Variants in TIA1 observed in about 807,000 individuals in gnomAD.
TIA1 encodes the protein cytotoxic granule associated RNA binding protein TIA1.
TIA1 carries 23 observed loss-of-function variants against 65.9 expected under a neutral mutation model. The observed-to-expected ratio is 0.35, with a 90% CI of 0.25 to 0.49. TIA1 has a LOEUF of 0.49. TIA1 is among the 20% of genes least tolerant of loss of function. The pLI, the probability that TIA1 is intolerant of heterozygous loss-of-function variation, is 0.98. For synonymous variants in TIA1, 147 were observed against 149.4 expected, an observed-to-expected ratio of 0.98 and a Z score of 0.12; for missense variants, 371 against 477.9, an observed-to-expected ratio of 0.78 and a Z score of 2.09.
At chr2:70,218,872 T>C (rs946552560) in intron 7 of TIA1, among the ~76,000 whole-genome samples, 4 of 152,190 alleles carry the variant, frequency 2.6e-5, no homozygotes, top group Non-Finnish European at 5.9e-5. Flanking sequence ...TAGCAGTGAA[T>C]GTAACTTAAA....
chr2:70,229,683 A>C (rs1357138454), intron 3 of TIA1, among the ~76,000 whole-genome samples: 1 of 152,156 alleles, frequency 6.6e-6, no homozygotes, highest in East Asian at 1.9e-4. Context: ...TGACGTCTGT[A>C]ATCTCAGCAC....
intron 7 of TIA1, among the ~76,000 whole-genome samples, chr2:70,221,981 T>C (rs574190538): frequency 6.6e-6 from 1 of 152,006 alleles, no homozygotes; most frequent in African/African-American, 2.4e-5. Flanking sequence ...GGTTTTGCCA[T>C]TTTGCCCAGG....
chr2:70,232,783 C>A (rs888887211), intron 2 of TIA1, among the ~76,000 whole-genome samples: 1 of 151,600 alleles, frequency 6.6e-6, no homozygotes, highest in African/African-American at 2.4e-5. Flanking sequence ...GCAGGAGATT[C>A]GCTTGAACTC....
chr2:70,229,959 C>A (rs962952393), intron 3 of TIA1, among the ~76,000 whole-genome samples: 1 of 150,070 alleles, frequency 6.7e-6, no homozygotes, highest in African/African-American at 2.5e-5. Context: ...ACAAAAAAAC[C>A]TGGGGACGGT....
In TIA1 at chr2:70,235,206, G is replaced by A. The variant is rs57042209; in HGVS notation, c.123+873C>T. The stretch of plus-strand genomic sequence containing the variant: ...CAAGACAGGTGGATCACCTGAGGTC[G>A]GGAGTTCTAAACCAGCCTGACCAAC... On this transcript the variant is annotated intron_variant, in intron 2 of 12. Transcript: ENST00000433529. Among the ~76,000 whole-genome samples the A allele has an allele frequency of 9.4e-3, 1,422 of 152,078 alleles. 27 individuals are homozygous for A. Among genetic ancestry groups the A allele is most frequent in the African/African-American group, 0.032 (1,323 of 41,480 alleles).
At chr2:70,226,880 G>T (rs542717446) in intron 6 of TIA1, among the ~76,000 whole-genome samples, 1 of 152,086 alleles carries the variant, frequency 6.6e-6, no homozygotes, top group Non-Finnish European at 1.5e-5. Flanking sequence ...ATCAAGGAAC[G>T]ATAACTCTTC....
intron 7 of TIA1, among the ~76,000 whole-genome samples, chr2:70,223,306 A>G (rs1682333426): frequency 6.6e-6 from 1 of 151,336 alleles, no homozygotes; most frequent in Non-Finnish European, 1.5e-5. Context: ...TGAGAACCAA[A>G]TAAATTCTCT....
At chr2:70,247,692 C>G (rs924861604) in intron 1 of TIA1, among the ~76,000 whole-genome samples, 1 of 152,148 alleles carries the variant, frequency 6.6e-6, no homozygotes, top group African/African-American at 2.4e-5. Flanking sequence ...AACACCATGT[C>G]AATCACAACA....
At chr2:70,238,608 TAC>T (rs913618311) in intron 1 of TIA1, among the ~76,000 whole-genome samples, 6 of 152,240 alleles carry the variant, frequency 3.9e-5, no homozygotes, top group Middle Eastern at 3.4e-3. Flanking sequence ...TTTGAATGCT[TAC>T]AGTGGGATGA....
At chr2:70,234,837 G>A (rs903083671) in intron 2 of TIA1, among the ~76,000 whole-genome samples, 1 of 152,038 alleles carries the variant, frequency 6.6e-6, no homozygotes, top group Non-Finnish European at 1.5e-5. Context: ...TGGGATTACA[G>A]GTGTGAGCCA....
At chr2:70,227,889 T>C (rs982988685) in intron 5 of TIA1, 67 bp from the exon 6 acceptor site, 28 of 1,065,668 alleles carry the variant, frequency 2.6e-5, no homozygotes, top group Admixed American at 8.1e-5. Context: ...AGTACTAAAA[T>C]CTATCCAATA....
chr2:70,223,135 C>A (rs532638164), intron 7 of TIA1, among the ~76,000 whole-genome samples: 1 of 152,100 alleles, frequency 6.6e-6, no homozygotes, highest in East Asian at 1.9e-4. Context: ...GAGTTCCTAG[C>A]CCATCAAACC....
intron 2 of TIA1, among the ~76,000 whole-genome samples, chr2:70,234,873 T>A (rs762426975): frequency 4.0e-4 from 61 of 152,142 alleles, no homozygotes; most frequent in Middle Eastern, 3.4e-3. Context: ...TAATTACTTT[T>A]AAAAATATTA....
chr2:70,213,563 G>A (rs1677231523), intron 12 of TIA1, among the ~76,000 whole-genome samples: 1 of 151,766 alleles, frequency 6.6e-6, no homozygotes, highest in Non-Finnish European at 1.5e-5. Context: ...TGCCCAGGCT[G>A]ATCTTAAACT....
intron 2 of TIA1, among the ~76,000 whole-genome samples, chr2:70,235,032 A>C (rs1477902366): frequency 6.6e-6 from 1 of 150,974 alleles, no homozygotes; most frequent in Non-Finnish European, 1.5e-5. Flanking sequence ...GTCTTTCAAG[A>C]CAAACAAACA....
chr2:70,238,833 T>G (rs776851740), intron 1 of TIA1, among the ~76,000 whole-genome samples: 7 of 152,058 alleles, frequency 4.6e-5, no homozygotes, highest in Non-Finnish European at 8.8e-5. Flanking sequence ...GAAAGATCAC[T>G]TTAGCCAAGG....
chr2:70,232,157 C>T (rs1483003148), intron 2 of TIA1, among the ~76,000 whole-genome samples: 1 of 138,240 alleles, frequency 7.2e-6, no homozygotes, highest in African/African-American at 2.7e-5. Context: ...TGCAGTGAGC[C>T]GAGATTGCAC....
rs1453361013 is a variant in TIA1 at position 70,211,520 on chromosome 2, T to A, written c.*1199A>T. On this transcript the variant is annotated 3_prime_UTR_variant, in exon 13 of 13. Transcript: ENST00000433529. ...TGGAGGTCACAATGAACTCCAAGCC[T>A]GACACAAAGATATTCTACAGTTTCA... 6.6e-6 allele frequency: 1 copy of A among 152,244 alleles called. No individual in the cohort carries two copies. Among genetic ancestry groups the A allele is most frequent in the East Asian group, 1.9e-4 (1 of 5,198 alleles). The allele number at this position is 152,244 out of a possible 1,614,324, so 9.4% of individuals were successfully genotyped here.
intron 1 of TIA1, among the ~76,000 whole-genome samples, chr2:70,237,852 CAA>C (rs1431246809): frequency 6.8e-6 from 1 of 146,832 alleles, no homozygotes; most frequent in East Asian, 2.1e-4. Flanking sequence ...GGTGACGGAG[CAA>C]GACTGTCTTT....
Sources: allele counts gnomAD v4.1 joint callset (sites outside exome capture counted in the v4.1 genomes callset), GRCh38; gene constraint gnomAD v4.1.1; transcripts MANE v1.5; gene names NCBI Gene and HGNC (gene_info 2026-07-23, HGNC 2026-07-21).